The following TNRC18 variants were observed in gnomAD, a reference collection of about 807,000 sequenced individuals.
TNRC18 encodes the protein trinucleotide repeat-containing gene 18 protein.
Under a neutral mutation model 226.7 loss-of-function variants are expected in TNRC18, and 69 were observed. The observed-to-expected ratio is 0.30, with a 90% CI of 0.25 to 0.37. The LOEUF (loss-of-function observed/expected upper bound fraction) is 0.37, where lower values mean the gene tolerates loss of function less well. Among genes scored for constraint, TNRC18 ranks in the 10% least tolerant of loss-of-function variants. TNRC18 has a pLI of 1.00. For missense variants in TNRC18, 4,754 were observed against 4,256.6 expected (o/e 1.12, Z -3.25); for synonymous variants, 2,449 against 1,927.6 (o/e 1.27, Z -7.09).
Position 5,307,925 on chromosome 7 carries a change from C to T in TNRC18, c.*181G>A, listed in dbSNP as rs564456968. The T allele has an allele frequency of 1.1e-4, 68 of 616,318 alleles. 1 individual carries two copies. The highest frequency in any genetic ancestry group is 6.0e-4 in the South Asian group (31 of 51,664). 38.2% of individuals were successfully genotyped at this position (616,318 alleles called of 1,614,324 possible). ...GTGGGGCTGGAGGCATGTGCACATG[C>T]GTGCACACACGTGCATGCACACACA... On this transcript the variant is annotated 3_prime_UTR_variant, in exon 30 of 30. Transcript: ENST00000430969.
chr7:5,367,726 C>T (rs1350290117), intron 11 of TNRC18, among the ~76,000 whole-genome samples: 1 of 151,312 alleles, frequency 6.6e-6, no homozygotes, highest in African/African-American at 2.4e-5. Context: ...CCGTGCCTGG[C>T]CAACCAAGGG....
intron 3 of TNRC18, among the ~76,000 whole-genome samples, chr7:5,393,450 G>A (rs781431306): frequency 4.6e-5 from 7 of 152,284 alleles, no homozygotes; most frequent in Non-Finnish European, 8.8e-5. Flanking sequence ...CTCCTGGGCT[G>A]AACACAGCAG....
In TNRC18 at chr7:5,307,587, C is replaced by G; in HGVS notation, c.*519G>C. The stretch of plus-strand genomic sequence containing the variant: ...ATCCTGAGAGGGTGGGGGCAGGGCC[C>G]CTGGCACAGTCAGGTAGGCCAGCTG... On this transcript the variant is annotated 3_prime_UTR_variant, in exon 30 of 30. Transcript: ENST00000430969. 2.2e-6 allele frequency: 1 copy of G among 447,158 alleles called. No homozygotes were observed. The highest frequency in any genetic ancestry group is 4.5e-6 in the Non-Finnish European group (1 of 222,794). The allele number at this position is 447,158 out of a possible 1,614,324, so 27.7% of individuals were successfully genotyped here. A position where few individuals can be genotyped will look rare whatever the true frequency, so the allele number is the denominator to read the frequency against.
intron 4 of TNRC18, chr7:5,389,699 C>T (rs2128196358): frequency 6.2e-6 from 1 of 161,306 alleles, no homozygotes; most frequent in African/African-American, 2.4e-5. Context: ...AGGTGATCCA[C>T]CCGTCTCGGC....
Position 5,361,996 on chromosome 7 carries a change from G to A in TNRC18, c.4433C>T (p.Ala1478Val). 6.2e-7 allele frequency: 1 copy of A among 1,613,632 alleles called. No homozygotes were observed. Among genetic ancestry groups the A allele is most frequent in the Non-Finnish European group, 8.5e-7 (1 of 1,179,784 alleles). ...CCGCATCCGGAAGTCCAGCTCCAGG[G>A]CGTCCATGTCCTCCAGGGAGGACTT... is the stretch of plus-strand genomic sequence containing the variant. ...AMKSSLEDMD[A>V]LELDFRMRLA... Residue 1478 changes from alanine (A) to valine (V), a missense_variant, in exon 13 of 30, where the codon GCC becomes GTC. Physicochemically the swap from Ala to Val is moderately conservative, Grantham distance 64. Transcript: ENST00000430969.
At chr7:5,409,267 G>T (rs1781686028) in intron 2 of TNRC18, among the ~76,000 whole-genome samples, 1 of 151,584 alleles carries the variant, frequency 6.6e-6, no homozygotes, top group Admixed American at 6.6e-5. Flanking sequence ...GACAATGCAT[G>T]AAAGAAGAAA....
At chr7:5,347,482 C>T (rs559988326) in intron 17 of TNRC18, among the ~76,000 whole-genome samples, 3 of 147,670 alleles carry the variant, frequency 2.0e-5, no homozygotes, top group South Asian at 4.3e-4. Context: ...AGGCATGAGC[C>T]GCCACACCCA....
At chr7:5,380,535 C>T (rs904726057) in intron 5 of TNRC18, among the ~76,000 whole-genome samples, 1 of 152,242 alleles carries the variant, frequency 6.6e-6, no homozygotes, top group East Asian at 1.9e-4. Flanking sequence ...GCCTGCAGGA[C>T]CGAGTGTACG....
chr7:5,402,762 G>A (rs768506594), intron 2 of TNRC18, among the ~76,000 whole-genome samples: 1 of 152,040 alleles, frequency 6.6e-6, no homozygotes, highest in African/African-American at 2.4e-5. Flanking sequence ...GCTGAGGCAG[G>A]AGAACTGCTT....
At chr7:5,330,117 A>C in intron 19 of TNRC18, 1 of 398,980 alleles carries the variant, frequency 2.5e-6, no homozygotes, top group East Asian at 7.7e-5. Context: ...TTTTTAGTAG[A>C]AACGGAGTTT....
chr7:5,357,057 C>G lies in TNRC18; in HGVS notation c.5053G>C (p.Gly1685Arg). 4 of 1,552,164 alleles carry G rather than the reference C, an allele frequency of 2.6e-6. No individual in the cohort carries two copies. The highest frequency in any genetic ancestry group is 3.5e-6 in the Non-Finnish European group (4 of 1,147,108). Residue 1685 changes from glycine (G) to arginine (R), a missense_variant, in exon 16 of 30, where the codon GGC (glycine) becomes CGC (arginine). By Grantham distance (125) the Gly-to-Arg change is moderately radical. Transcript: ENST00000430969. ...KNRKALAKGL[G>R]LSLKSSREGK... ...TCTCTGGAGGATTTCAGAGACAGGC[C>G]GAGGCCCTTGGCCAGCGCCTTCCTG... is the stretch of plus-strand genomic sequence containing the variant.
At chr7:5,351,048 A>T (rs777241896) in intron 17 of TNRC18, among the ~76,000 whole-genome samples, 19 of 152,304 alleles carry the variant, frequency 1.2e-4, no homozygotes, top group Non-Finnish European at 2.5e-4. Context: ...ACAAGCAACT[A>T]AAAAAACATG....
intron 29 of TNRC18, among the ~76,000 whole-genome samples, 164 bp downstream of exon 29, chr7:5,308,707 GAGAC>G (rs1342462789): frequency 2.0e-5 from 3 of 152,180 alleles, no homozygotes; most frequent in African/African-American, 7.2e-5. Context: ...ACAGACCAGA[GAGAC>G]AGAGAACAGG....
intron 2 of TNRC18, among the ~76,000 whole-genome samples, chr7:5,402,479 G>A (rs549919483): frequency 2.0e-5 from 3 of 152,024 alleles, no homozygotes; most frequent in African/African-American, 4.8e-5. Flanking sequence ...AGGTCGCAGT[G>A]AGCCGAGATC....
Position 5,394,550 on chromosome 7 carries a change from G to C in TNRC18, c.233C>G (p.Ser78Trp), listed in dbSNP as rs774043487. ...GSFVASGMGPSASSHGSPVPL... is the reference protein window; with the variant it reads ...GSFVASGMGPWASSHGSPVPL... ...CACTGGGCTCCCATGGGACGAGGCC[G>C]AGGGCCCCATCCCGCTGGCCACAAA... The change falls in exon 3 of 30, where the codon TCG becomes TGG. Residue 78 changes from serine (S) to tryptophan (W), a missense_variant. Physicochemically the swap from Ser to Trp is radical, Grantham distance 177 (BLOSUM62 -3). Coordinates refer to ENST00000430969, the MANE Select transcript of TNRC18 (RefSeq NM_001080495.3). This position sits in a 1 kb window ranked among gnomAD's most constrained non-coding sequence, Gnocchi z 4.5. The C allele has an allele frequency of 6.5e-7, 1 of 1,550,028 alleles. No homozygotes were observed. Among genetic ancestry groups the C allele is most frequent in the Non-Finnish European group, 8.7e-7 (1 of 1,148,946 alleles).
Position 5,371,267 on chromosome 7 carries a change from G to A in TNRC18, c.3327C>T (p.Gly1109=), listed in dbSNP as rs1794131661. 6.3e-7 allele frequency: 1 copy of A among 1,595,524 alleles called. No individual in the cohort carries two copies. The highest frequency in any genetic ancestry group is 1.1e-5 in the South Asian group (1 of 90,054). The change falls in exon 11 of 30, where the codon GGC becomes GGT. Residue 1109 remains glycine (G), a synonymous_variant. Coordinates refer to ENST00000430969, the MANE Select transcript of TNRC18 (RefSeq NM_001080495.3). ...CCGGGAGCGGCACATCAGGGGCCAA[G>A]CCGTCCGCGTCGGCGGCGGCCGTGG... ...LQPTAAADAD[G]LAPDVPLPAD...
chr7:5,323,536 G>A lies in TNRC18; in HGVS notation c.6442+678C>T, dbSNP rs1274036697. On this transcript the variant is annotated intron_variant, in intron 21 of 29. Coordinates refer to ENST00000430969, the MANE Select transcript of TNRC18 (RefSeq NM_001080495.3). ...AACTGGACTCCCTGCCTTCCCTGGG[G>A]CCCCCACTCGTTCTCTGTGCAGCAC... Among the ~76,000 whole-genome samples the A allele has an allele frequency of 6.8e-5, 10 of 147,452 alleles. No homozygotes were observed. In the Admixed American group the frequency reaches 6.8e-4, roughly 10 times the overall value.
chr7:5,420,547 C>T (rs1401298948), intron 2 of TNRC18: 1 of 445,370 alleles, frequency 2.2e-6, no homozygotes, highest in Admixed American at 2.4e-5. Flanking sequence ...CTCCCGCATC[C>T]CCCGGCGTAC....
intron 2 of TNRC18, among the ~76,000 whole-genome samples, chr7:5,412,314 G>A (rs56339527): frequency 0.039 from 5,937 of 150,690 alleles, 156 homozygotes; most frequent in African/African-American, 0.06. Context: ...GGTGGCTTAC[G>A]CCTGTAATCC....
Sources: allele counts gnomAD v4.1 joint callset (sites outside exome capture counted in the v4.1 genomes callset), GRCh38; gene constraint gnomAD v4.1.1; non-coding constraint Gnocchi (gnomAD v3.1); transcripts MANE v1.5; gene names NCBI Gene and HGNC (gene_info 2026-07-23, HGNC 2026-07-21).